Variants in COL23A1 observed in about 807,000 individuals in gnomAD.
COL23A1 encodes collagen type XXIII alpha 1 chain.
A neutral mutation model predicts 99.3 loss-of-function variants in COL23A1; 97 were observed. The ratio of observed to expected loss-of-function variants is 0.98; its 90% CI spans 0.83 to 1.16. The LOEUF (loss-of-function observed/expected upper bound fraction) is 1.16, where lower values mean the gene tolerates loss of function less well. COL23A1 is among the 50% of genes most tolerant of loss of function. COL23A1 has a pLI of 0.00. For missense variants in COL23A1, 762 were observed against 757.4 expected (o/e 1.01, Z -0.07); for synonymous variants, 320 against 308.2 (o/e 1.04, Z -0.40).
chr5:178,523,155 T>TATATATATATATATA (rs1760053732), intron 2 of COL23A1, among the ~76,000 whole-genome samples: 1 of 80,126 alleles, frequency 1.2e-5, no homozygotes, highest in African/African-American at 3.7e-5. Context: ...TATATATATA[T>TATATATATATATATA]ATATATACAT....
chr5:178,375,922 G>A (rs10070963), intron 2 of COL23A1, among the ~76,000 whole-genome samples: 15,138 of 152,160 alleles, frequency 0.099, 1,478 homozygotes, highest in African/African-American at 0.26. Flanking sequence ...TGGCCAGCTG[G>A]TCTCGAACTA....
chr5:178,475,419 G>C (rs915993477), intron 2 of COL23A1, among the ~76,000 whole-genome samples: 10 of 152,136 alleles, frequency 6.6e-5, no homozygotes, highest in African/African-American at 2.2e-4. Context: ...TTTGGTGAAG[G>C]GGGTACAGGC....
At chr5:178,246,162 C>T (rs1417627202) in intron 24 of COL23A1, 92 bp downstream of exon 24, 4 of 826,846 alleles carry the variant, frequency 4.8e-6, no homozygotes, top group South Asian at 1.8e-5. Context: ...AGTGCAGGGA[C>T]CCAGTGAGGT....
At chr5:178,427,393 T>C (rs1766003155) in intron 2 of COL23A1, among the ~76,000 whole-genome samples, 1 of 152,182 alleles carries the variant, frequency 6.6e-6, no homozygotes, top group Non-Finnish European at 1.5e-5. Flanking sequence ...ACTCTTGCCA[T>C]ATGCTCCAGC....
At position 178,252,499 on chromosome 5, in the gene COL23A1, T is replaced by C. The variant is rs1000937161; in HGVS notation, c.1014+45A>G. ...CAGACAGGAAGAGGGAGGTGGGCCCTGGAGACAAATGCTTGGGGGACCACA... is the reference window on the plus strand; with the variant it reads ...CAGACAGGAAGAGGGAGGTGGGCCCCGGAGACAAATGCTTGGGGGACCACA... On this transcript the variant is annotated intron_variant, in intron 17 of 28. Coordinates refer to ENST00000390654, the MANE Select transcript of COL23A1 (RefSeq NM_173465.4). 3.8e-6 allele frequency: 6 copies of C among 1,568,242 alleles called. No individual in the cohort carries two copies. The African/African-American group carries it at 8.1e-5, about 21-fold the overall frequency.
chr5:178,456,048 A>G (rs1207112919), intron 2 of COL23A1, among the ~76,000 whole-genome samples: 3 of 152,252 alleles, frequency 2.0e-5, no homozygotes, highest in African/African-American at 7.2e-5. Flanking sequence ...CAGATTTTGA[A>G]AAGACTCTCA....
At position 178,358,391 on chromosome 5, in the gene COL23A1, A is replaced by ATGTGTATGTGTGTATG. The variant is rs1761925833; in HGVS notation, c.362-51473_362-51472insCATACACACATACACA. 6.5e-5 allele frequency among the ~76,000 whole-genome samples: 8 copies of ATGTGTATGTGTGTATG among 123,416 alleles called. No individual in the cohort carries two copies. The South Asian group carries it at 2.2e-3, about 33-fold the overall frequency. 81.0% of individuals were successfully genotyped at this position (123,416 alleles called of 152,430 possible). The stretch of plus-strand genomic sequence containing the variant: ...GTACGTGTGTATGTCTAATGTGTGT[A>ATGTGTATGTGTGTATG]TGTGTATGTGTATGTGTGTATGTGT... On this transcript the variant is annotated intron_variant, in intron 2 of 28. Transcript: ENST00000390654.
intron 2 of COL23A1, among the ~76,000 whole-genome samples, chr5:178,505,189 C>T (rs1343597918): frequency 6.6e-6 from 1 of 151,956 alleles, no homozygotes; most frequent in Non-Finnish European, 1.5e-5. Context: ...AGTGGCTTAC[C>T]CCATCTCCAC....
intron 2 of COL23A1, among the ~76,000 whole-genome samples, chr5:178,407,079 G>A (rs1268318547): frequency 6.6e-6 from 1 of 152,160 alleles, no homozygotes; most frequent in Non-Finnish European, 1.5e-5. Flanking sequence ...ATGCAGAACT[G>A]GGTGCTAAAT....
chr5:178,307,005 C>G lies in COL23A1; in HGVS notation c.362-86G>C, dbSNP rs1468456014. 2.0e-6 allele frequency: 2 copies of G among 1,000,216 alleles called. No homozygotes were observed. The highest frequency in any genetic ancestry group is 3.4e-5 in the African/African-American group (2 of 58,380). 62.0% of individuals were successfully genotyped at this position (1,000,216 alleles called of 1,614,324 possible). A position where few individuals can be genotyped will look rare whatever the true frequency, so the allele number is the denominator to read the frequency against. The stretch of plus-strand genomic sequence containing the variant: ...GGGCATGCCCCAGCCACCCACCTGT[C>G]CGCTCGCAACAGCTTTCTGGGAGTG... On this transcript the variant is annotated intron_variant, in intron 2 of 28. Transcript: ENST00000390654. The surrounding 1 kb of genome is among the most constrained non-coding windows in gnomAD (Gnocchi z 4.2).
chr5:178,457,396 G>C (rs191444991), intron 2 of COL23A1, among the ~76,000 whole-genome samples: 1 of 152,172 alleles, frequency 6.6e-6, no homozygotes, highest in East Asian at 1.9e-4. Context: ...TGTATTTTTA[G>C]TAGAGACGGG....
intron 2 of COL23A1, among the ~76,000 whole-genome samples, chr5:178,357,796 ATGTGTG>A (rs72411503): frequency 1.6e-4 from 20 of 128,032 alleles, no homozygotes; most frequent in South Asian, 2.6e-4. Context: ...GTGTGTGTGT[ATGTGTG>A]TGTGTATGTG....
At position 178,246,331 on chromosome 5, in the gene COL23A1, A is replaced by G. The variant is rs373106133; in HGVS notation, c.1360-24T>C. ...CCCTGGATAGAAAAGGAATGAGTCA[A>G]GAGGCATGCTAGTGACAGGAATTAA... On this transcript the variant is annotated intron_variant, in intron 23 of 28. Coordinates refer to ENST00000390654, the MANE Select transcript of COL23A1 (RefSeq NM_173465.4). 37 of 1,558,638 alleles carry G rather than the reference A, an allele frequency of 2.4e-5. No homozygotes were observed. In the African/African-American group the frequency reaches 4.9e-4, roughly 21 times the overall value.
chr5:178,564,801 T>C (rs1006292549), intron 1 of COL23A1, among the ~76,000 whole-genome samples: 1 of 152,214 alleles, frequency 6.6e-6, no homozygotes, highest in African/African-American at 2.4e-5. Context: ...GATCACATCC[T>C]TAAGTGGTTT....
chr5:178,266,072 G>A (rs11742834), intron 8 of COL23A1, among the ~76,000 whole-genome samples: 7,872 of 151,848 alleles, frequency 0.052, 242 homozygotes, highest in East Asian at 0.12. Flanking sequence ...AGACAGTCTC[G>A]CTCTGTCACC....
At chr5:178,585,503 A>AATGCCCTACAGCCCTGGTTGATGCTGGGG (rs1763910953) in intron 1 of COL23A1, among the ~76,000 whole-genome samples, 1 of 12,010 alleles carries the variant, frequency 8.3e-5, no homozygotes, top group African/African-American at 2.3e-4. Context: ...ATGACGCTGG[A>AATGCCCTACAGCCCTGGTTGATGCTGGGG]GTAACACTCC....
intron 18 of COL23A1, 51 bp downstream of exon 18, chr5:178,250,010 G>T: frequency 6.3e-7 from 1 of 1,580,138 alleles, no homozygotes; most frequent in Non-Finnish European, 8.7e-7. Context: ...CACACACACA[G>T]AGCCCAATAC....
At chr5:178,358,679 GTGTATGTGTGTGTATGTATGTGTA>G (rs1761993783) in intron 2 of COL23A1, among the ~76,000 whole-genome samples, 1 of 146,538 alleles carries the variant, frequency 6.8e-6, no homozygotes, top group African/African-American at 2.5e-5. Flanking sequence ...TAATGTGTAT[GTGTATGTGTGTGTATGTATGTGTA>G]TGTGTGTATG....
intron 2 of COL23A1, among the ~76,000 whole-genome samples, chr5:178,320,822 C>T (rs1415062233): frequency 1.3e-5 from 2 of 152,236 alleles, no homozygotes; most frequent in Non-Finnish European, 2.9e-5. Context: ...TCACACCCTC[C>T]TTTCCCTCTA....
Sources: gnomAD v4.1 joint callset for allele counts (sites outside exome capture counted in the v4.1 genomes callset) on GRCh38, gnomAD v4.1.1 for gene constraint, Gnocchi (gnomAD v3.1) non-coding constraint, MANE v1.5 for transcripts, NCBI Gene and HGNC (gene_info 2026-07-23, HGNC 2026-07-21) for gene names.